ZHX3: variants seen among roughly 807,000 people sequenced by gnomAD.
ZHX3 encodes zinc fingers and homeoboxes protein 3.
A neutral mutation model predicts 64.5 loss-of-function variants in ZHX3; 20 were observed. That is an observed-to-expected ratio of 0.31 (90% CI 0.22 to 0.45). The LOEUF (loss-of-function observed/expected upper bound fraction) is 0.45. Ranked by LOEUF, ZHX3 falls within the 20% of genes least tolerant of loss-of-function variation. The pLI is 1.00. For missense variants in ZHX3, 1,041 were observed against 1,195.8 expected (o/e 0.87, Z 1.91); for synonymous variants, 423 against 461.6 (o/e 0.92, Z 1.07).
At chr20:41,282,471 G>A (rs1481238667) in intron 1 of ZHX3, among the ~76,000 whole-genome samples, 1 of 145,504 alleles carries the variant, frequency 6.9e-6, no homozygotes, top group East Asian at 2.2e-4. Flanking sequence ...CGACTCTCCT[G>A]CCTCAGCCTC....
intron 1 of ZHX3, among the ~76,000 whole-genome samples, chr20:41,283,263 C>G (rs8121001): frequency 0.14 from 21,017 of 152,020 alleles, 1,668 homozygotes; most frequent in Non-Finnish European, 0.17. Flanking sequence ...ATTCACATGC[C>G]AGTGATTTTC....
intron 1 of ZHX3, among the ~76,000 whole-genome samples, chr20:41,283,810 G>A (rs2043808759): frequency 6.6e-6 from 1 of 151,910 alleles, no homozygotes; most frequent in Admixed American, 6.6e-5. Context: ...AGACAAACAT[G>A]AGGATCACAC....
intron 2 of ZHX3, among the ~76,000 whole-genome samples, chr20:41,245,155 A>T (rs2041614804): frequency 6.6e-6 from 1 of 152,236 alleles, no homozygotes; most frequent in Admixed American, 6.5e-5. Flanking sequence ...ACATTGCATG[A>T]GTCACCACCT....
chr20:41,209,317 T>C (rs1217389983), intron 2 of ZHX3, among the ~76,000 whole-genome samples: 1 of 152,182 alleles, frequency 6.6e-6, no homozygotes, highest in African/African-American at 2.4e-5. Flanking sequence ...AATGACTTTC[T>C]TCACAGAATT....
At chr20:41,289,157 A>ATT (rs200903396) in intron 1 of ZHX3, among the ~76,000 whole-genome samples, 1 of 149,920 alleles carries the variant, frequency 6.7e-6, no homozygotes, top group Non-Finnish European at 1.5e-5. Flanking sequence ...TGTCCAGTTA[A>ATT]TTTTTTTTTA....
At chr20:41,257,380 C>G (rs1279692615) in intron 2 of ZHX3, among the ~76,000 whole-genome samples, 1 of 152,018 alleles carries the variant, frequency 6.6e-6, no homozygotes, top group Non-Finnish European at 1.5e-5. Context: ...ACTACTGTAC[C>G]CTTTAAAAAG....
chr20:41,298,335 G>A (rs572229942), intron 1 of ZHX3, among the ~76,000 whole-genome samples: 1 of 152,100 alleles, frequency 6.6e-6, no homozygotes, highest in East Asian at 1.9e-4. Flanking sequence ...ATTAACACAG[G>A]GTTAATGATA....
At chr20:41,238,823 G>A (rs1291415041) in intron 2 of ZHX3, 1 of 151,972 alleles carries the variant, frequency 6.6e-6, no homozygotes, top group Non-Finnish European at 1.5e-5. Flanking sequence ...ACAAGGAAAT[G>A]TATCTATTAA....
At chr20:41,206,058 A>G (rs574425250) in intron 2 of ZHX3, among the ~76,000 whole-genome samples, 1 of 152,276 alleles carries the variant, frequency 6.6e-6, no homozygotes, top group Non-Finnish European at 1.5e-5. Flanking sequence ...CCTCCAGAAA[A>G]CTCCAACAGA....
intron 1 of ZHX3, among the ~76,000 whole-genome samples, chr20:41,284,256 C>G (rs2043829049): frequency 6.6e-6 from 1 of 152,176 alleles, no homozygotes; most frequent in South Asian, 2.1e-4. Context: ...CCTAGACTCT[C>G]TCCTCTTCTC....
At chr20:41,243,485 G>T (rs2041510735) in intron 2 of ZHX3, among the ~76,000 whole-genome samples, 1 of 152,152 alleles carries the variant, frequency 6.6e-6, no homozygotes, top group African/African-American at 2.4e-5. Context: ...GACTCAAACA[G>T]TCTTAGGAAA....
At chr20:41,274,959 C>A (rs1202312519) in intron 1 of ZHX3, among the ~76,000 whole-genome samples, 1 of 152,130 alleles carries the variant, frequency 6.6e-6, no homozygotes, top group Non-Finnish European at 1.5e-5. Context: ...AAGTTTGAGA[C>A]CAGCCTGGCT....
intron 1 of ZHX3, among the ~76,000 whole-genome samples, chr20:41,303,924 C>T (rs961954987): frequency 6.6e-6 from 1 of 152,208 alleles, no homozygotes; most frequent in African/African-American, 2.4e-5. Context: ...GGATTCTCTA[C>T]TCCACCCCCA....
At chr20:41,245,070 G>A (rs570858181) in intron 2 of ZHX3, among the ~76,000 whole-genome samples, 21 of 152,326 alleles carry the variant, frequency 1.4e-4, no homozygotes, top group African/African-American at 3.6e-4. Flanking sequence ...GCTGGGGATG[G>A]GGGTTGAGGA....
In ZHX3 at chr20:41,183,016, C is replaced by T. The variant is rs891737491; in HGVS notation, c.*2175G>A. On this transcript the variant is annotated 3_prime_UTR_variant, in exon 4 of 4. Transcript: ENST00000683867. The surrounding 1 kb of genome is among the most constrained non-coding windows in gnomAD (Gnocchi z 5.3). ...GAGGCACTGGGTGGTTTCTCAGACA[C>T]CCGGAGATGGCTTCAGCCTGGGCCG... 1 of 152,270 alleles carries T rather than the reference C, an allele frequency of 6.6e-6. No homozygotes were observed. Among genetic ancestry groups the T allele is most frequent in the Admixed American group, 6.5e-5 (1 of 15,284 alleles). The allele number at this position is 152,270 out of a possible 1,614,324, so 9.4% of individuals were successfully genotyped here.
chr20:41,306,598 CATA>C (rs1304126267), intron 1 of ZHX3, among the ~76,000 whole-genome samples: 2 of 152,178 alleles, frequency 1.3e-5, no homozygotes, highest in African/African-American at 4.8e-5. Flanking sequence ...ATAGTAGTCA[CATA>C]ATAAGTATGT....
chr20:41,313,466 A>G (rs1177843022), intron 1 of ZHX3, among the ~76,000 whole-genome samples: 3 of 152,174 alleles, frequency 2.0e-5, no homozygotes, highest in Non-Finnish European at 2.9e-5. Flanking sequence ...ATAATCAAAA[A>G]TCACGTTGAT....
At position 41,203,440 on chromosome 20, in the gene ZHX3, C is replaced by T. The variant is rs1420259993; in HGVS notation, c.1477G>A (p.Asp493Asn). ...CPSITSQAFL[D>N]ASIYKNKKSH... The stretch of plus-strand genomic sequence containing the variant: ...TTCTTATTTTTGTAGATGCTAGCAT[C>T]AAGGAAGGCTTGGGAGGTTATGCTG... The change falls in exon 3 of 4, where the codon GAT (aspartate) becomes AAT (asparagine). Residue 493 changes from aspartate (D) to asparagine (N), a missense_variant. By Grantham distance (23) the Asp-to-Asn change is conservative. This residue lies in a region of ZHX3 where 649 missense variants were observed against 739.8 expected (regional missense o/e 0.88). Transcript: ENST00000683867. This position sits in a 1 kb window ranked among gnomAD's most constrained non-coding sequence, Gnocchi z 7.1. 6.2e-7 allele frequency: 1 copy of T among 1,614,164 alleles called. No individual in the cohort carries two copies. Among genetic ancestry groups the T allele is most frequent in the Admixed American group, 1.7e-5 (1 of 60,020 alleles).
intron 1 of ZHX3, among the ~76,000 whole-genome samples, chr20:41,281,703 C>T (rs1351131159): frequency 2.0e-5 from 3 of 152,122 alleles, no homozygotes; most frequent in Admixed American, 6.6e-5. Flanking sequence ...TGAATGGAGG[C>T]GAGCACAACA....
Sources: allele counts gnomAD v4.1 joint callset (sites outside exome capture counted in the v4.1 genomes callset), GRCh38; gene constraint gnomAD v4.1.1; regional missense constraint gnomAD v4.1.1; non-coding constraint Gnocchi (gnomAD v3.1); transcripts MANE v1.5; gene names NCBI Gene and HGNC (gene_info 2026-07-23, HGNC 2026-07-21).